The following MANBA variants were observed in gnomAD, a reference collection of about 807,000 sequenced individuals.
MANBA encodes the protein beta-mannosidase.
A neutral mutation model predicts 111.1 loss-of-function variants in MANBA; 83 were observed. That is an observed-to-expected ratio of 0.75 (90% confidence interval 0.63 to 0.90). The LOEUF (loss-of-function observed/expected upper bound fraction) is 0.90. MANBA is among the 40% of genes least tolerant of loss of function. MANBA has a pLI of 0.00. For missense variants in MANBA, 1,036 were observed against 1,069.0 expected (o/e 0.97, Z 0.43); for synonymous variants, 370 against 378.7 (o/e 0.98, Z 0.27).
chr4:102,747,010 T>C (rs1435466718), intron 1 of MANBA, among the ~76,000 whole-genome samples: 1 of 151,384 alleles, frequency 6.6e-6, no homozygotes, highest in African/African-American at 2.4e-5. Context: ...ACCTTTAGCA[T>C]TTTTTGGTCT....
At chr4:102,665,078 C>A in intron 10 of MANBA, 2 of 524,480 alleles carry the variant, frequency 3.8e-6, no homozygotes, top group Non-Finnish European at 6.8e-6. Flanking sequence ...TAGGGTTTCT[C>A]TTCTCTGCTA....
chr4:102,698,450 G>C lies in MANBA; in HGVS notation c.674-7679C>G, dbSNP rs1295652950. Among the ~76,000 whole-genome samples the C allele has an allele frequency of 8.3e-3, 1,241 of 148,768 alleles. 16 individuals are homozygous for C. Among genetic ancestry groups the C allele is most frequent in the African/African-American group, 0.029 (1,165 of 39,602 alleles). ...CTTGCCCATGCCTATGTCCTGAATG[G>C]TAATGCCTAGGTTTTCTTCTAGGGT... is the stretch of plus-strand genomic sequence containing the variant. On this transcript the variant is annotated intron_variant, in intron 5 of 16. Coordinates refer to ENST00000647097, the MANE Select transcript of MANBA (RefSeq NM_005908.4).
intron 13 of MANBA, among the ~76,000 whole-genome samples, chr4:102,647,747 C>T (rs189511832): frequency 3.9e-4 from 59 of 152,124 alleles, no homozygotes; most frequent in African/African-American, 1.3e-3. Context: ...ACTTTCCTAA[C>T]CTATAAGATT....
At chr4:102,652,059 C>A (rs1730358435) in intron 12 of MANBA, among the ~76,000 whole-genome samples, 1 of 152,084 alleles carries the variant, frequency 6.6e-6, no homozygotes, top group Non-Finnish European at 1.5e-5. Flanking sequence ...GGCTAATAAG[C>A]AAATTCATCA....
chr4:102,667,364 T>A (rs1040573502), intron 10 of MANBA: 1 of 151,786 alleles, frequency 6.6e-6, no homozygotes, highest in Non-Finnish European at 1.5e-5. Context: ...ATACAAATAC[T>A]AGTAACATTG....
At chr4:102,730,183 G>C in intron 1 of MANBA, 1 of 841,424 alleles carries the variant, frequency 1.2e-6, no homozygotes, top group South Asian at 1.9e-5. Context: ...GTGGAGGCAG[G>C]AGTGGGGGCA....
At chr4:102,733,349 ATT>A (rs563303596) in intron 1 of MANBA, among the ~76,000 whole-genome samples, 42 of 136,108 alleles carry the variant, frequency 3.1e-4, no homozygotes, top group Admixed American at 4.4e-4. Flanking sequence ...TCCTCTCTGC[ATT>A]TTTTTTTTTT....
At chr4:102,732,724 C>T in intron 1 of MANBA, among the ~76,000 whole-genome samples, 1 of 152,158 alleles carries the variant, frequency 6.6e-6, no homozygotes, top group Non-Finnish European at 1.5e-5. Flanking sequence ...ACTTATCTCC[C>T]ACACAGGACT....
intron 12 of MANBA, among the ~76,000 whole-genome samples, chr4:102,655,818 G>A (rs1183344903): frequency 6.6e-6 from 1 of 152,170 alleles, no homozygotes; most frequent in Non-Finnish European, 1.5e-5. Flanking sequence ...TTTTTGTGCT[G>A]TAAGTGATAC....
At chr4:102,641,432 A>G (rs559830261) in intron 13 of MANBA, among the ~76,000 whole-genome samples, 1 of 152,218 alleles carries the variant, frequency 6.6e-6, no homozygotes, top group African/African-American at 2.4e-5. Context: ...TTTCCAAAAG[A>G]TGACTGAGAC....
chr4:102,646,718 T>C lies in MANBA; in HGVS notation c.1869+3819A>G, dbSNP rs372231191. Among the ~76,000 whole-genome samples, 99 of 152,184 alleles carry C rather than the reference T, an allele frequency of 6.5e-4. 1 individual carries two copies. Among genetic ancestry groups the C allele is most frequent in the African/African-American group, 2.2e-3 (91 of 41,542 alleles). On this transcript the variant is annotated intron_variant, in intron 13 of 16. Transcript: ENST00000647097. ...ACTAGAGAGTGAGATCTGTGTAACA[T>C]AGCTAAAGAGGGTGTGCTCATGTAT...
intron 1 of MANBA, among the ~76,000 whole-genome samples, chr4:102,735,178 C>A (rs1172795072): frequency 2.6e-5 from 4 of 152,216 alleles, no homozygotes; most frequent in South Asian, 2.1e-4. Context: ...TGAGAGCCAG[C>A]AGACAGCCCA....
chr4:102,713,721 A>AC (rs895132642), intron 5 of MANBA, among the ~76,000 whole-genome samples: 1 of 151,886 alleles, frequency 6.6e-6, no homozygotes, highest in Non-Finnish European at 1.5e-5. Flanking sequence ...ATATGGAGAA[A>AC]CCCCATCTCT....
At chr4:102,697,776 G>C (rs555576777) in intron 5 of MANBA, among the ~76,000 whole-genome samples, 4,136 of 151,506 alleles carry the variant, frequency 0.027, 127 homozygotes, top group African/African-American at 0.076. Context: ...ATTTGGGTTG[G>C]TTCCAAGTCT....
At chr4:102,661,704 C>G (rs1017305671) in intron 11 of MANBA, among the ~76,000 whole-genome samples, 1 of 152,172 alleles carries the variant, frequency 6.6e-6, no homozygotes, top group African/African-American at 2.4e-5. Context: ...TTTGACGATG[C>G]ATTATAATTT....
intron 13 of MANBA, among the ~76,000 whole-genome samples, chr4:102,643,994 T>C (rs1729993754): frequency 6.6e-6 from 1 of 152,244 alleles, no homozygotes; most frequent in Non-Finnish European, 1.5e-5. Flanking sequence ...ATAAAATTTA[T>C]ACCTATGTTT....
In MANBA at chr4:102,635,922, G is replaced by A. The variant is rs1729607617; in HGVS notation, c.2100C>T (p.Asn700=). Residue 700 remains asparagine (N), a synonymous_variant, in exon 15 of 17, where the codon AAC becomes AAT. Transcript: ENST00000647097. ...CTGACACACCATAGATATAGAACGT[G>A]TTTTCATTCTCAAAGCCTACTGGCA... ...PLLPVGFENE[N]TFYIYGVSDL... 1 of 1,610,662 alleles carries A rather than the reference G, an allele frequency of 6.2e-7. No homozygotes were observed. The highest frequency in any genetic ancestry group is 8.5e-7 in the Non-Finnish European group (1 of 1,176,888).
At chr4:102,744,931 AGCCAGTGT>A (rs2110207785) in intron 1 of MANBA, among the ~76,000 whole-genome samples, 1 of 152,260 alleles carries the variant, frequency 6.6e-6, no homozygotes, top group African/African-American at 2.4e-5. Context: ...CAAGTCAGGG[AGCCAGTGT>A]GGGGGTTTGG....
intron 8 of MANBA, among the ~76,000 whole-genome samples, chr4:102,673,492 A>G (rs904402780): frequency 1.3e-5 from 2 of 151,512 alleles, no homozygotes; most frequent in Non-Finnish European, 2.9e-5. Context: ...TGGGCAACAG[A>G]GCAAGACTCC....
Sources: allele counts gnomAD v4.1 joint callset (sites outside exome capture counted in the v4.1 genomes callset), GRCh38; gene constraint gnomAD v4.1.1; transcripts MANE v1.5; gene names NCBI Gene and HGNC (gene_info 2026-07-23, HGNC 2026-07-21).